MPV17: variants seen among roughly 807,000 people sequenced by gnomAD.
The protein encoded by MPV17 is MPV17, mitochondrial inner membrane protein.
In MPV17, 31 loss-of-function variants were observed where a neutral mutation model predicts 28.6. The observed-to-expected ratio is 1.08, with a 90% CI of 0.81 to 1.46. MPV17 has a LOEUF of 1.46. Ranked by LOEUF, MPV17 falls within the 40% of genes most tolerant of loss-of-function variation. MPV17 has a pLI of 0.00. For synonymous variants in MPV17, 87 were observed against 85.3 expected (o/e 1.02, Z -0.11); for missense variants, 198 against 216.2 (o/e 0.92, Z 0.53).
intron 3 of MPV17, 24 bp downstream of exon 3, chr2:27,312,970 A>G (rs201088989): frequency 6.2e-7 from 1 of 1,612,614 alleles, no homozygotes; most frequent in African/African-American, 1.3e-5. Flanking sequence ...AGTCCACTGA[A>G]GCCCTGTTGA....
intron 2 of MPV17, among the ~76,000 whole-genome samples, chr2:27,314,363 G>A (rs1011306712): frequency 6.6e-6 from 1 of 152,120 alleles, no homozygotes; most frequent in Non-Finnish European, 1.5e-5. Flanking sequence ...TGCTCAAATG[G>A]TCATAAGCAG....
chr2:27,316,307 T>C (rs1224071878), intron 2 of MPV17: 3 of 1,201,116 alleles, frequency 2.5e-6, no homozygotes, highest in African/African-American at 3.0e-5. Context: ...CCCATAGTTC[T>C]GGAAGCCTGC....
chr2:27,310,603 G>C (rs1679394791), intron 7 of MPV17, among the ~76,000 whole-genome samples: 2 of 152,226 alleles, frequency 1.3e-5, no homozygotes, highest in African/African-American at 4.8e-5. Context: ...TGTACCAGCT[G>C]AGATTTCATC....
chr2:27,315,825 G>T, intron 2 of MPV17: 2 of 1,132,702 alleles, frequency 1.8e-6, no homozygotes, highest in Non-Finnish European at 2.2e-6. Flanking sequence ...GCCGCCCAAA[G>T]TGTTGGGATT....
Position 27,322,856 on chromosome 2 carries a change from C to T in MPV17, c.-6+196G>A, listed in dbSNP as rs116751917. ...GCTTTGCTCTGGCTTCTACCCAGAG[C>T]TTGGGTGCCTCAAAAGATAGCTTGG... is the stretch of plus-strand genomic sequence containing the variant. On this transcript the variant is annotated intron_variant, in intron 1 of 7. Transcript: ENST00000380044. Among the ~76,000 whole-genome samples the T allele has an allele frequency of 3.8e-3, 574 of 152,326 alleles. 1 individual carries two copies. The highest frequency in any genetic ancestry group is 0.013 in the African/African-American group (544 of 41,562).
rs1244633595 is a variant in MPV17, at chr2:27,311,910, G to A, written c.450C>T (p.Pro150=). 1 of 1,613,782 alleles carries A rather than the reference G, an allele frequency of 6.2e-7. No individual in the cohort carries two copies. Among genetic ancestry groups the A allele is most frequent in the African/African-American group, 1.3e-5 (1 of 75,000 alleles). The change falls in exon 7 of 8, where the codon CCC becomes CCT. Residue 150 remains proline (P), a synonymous_variant. Coordinates refer to ENST00000380044, the MANE Select transcript of MPV17 (RefSeq NM_002437.5). The part of the protein sequence containing the change: ...AVQLANFYLV[P]LHYRLAVVQC... ...GGGGTGCAACATACCTGTAATGAAG[G>A]GGGACCAGGTAGAAGTTGGCTAACT...
chr2:27,312,438 T>C (rs1262798105), intron 5 of MPV17, 56 bp downstream of exon 5: 1 of 1,577,224 alleles, frequency 6.3e-7, no homozygotes, highest in Non-Finnish European at 8.7e-7. Context: ...CCTGTCTTCT[T>C]CCCCTGGGCT....
chr2:27,318,866 G>C (rs1679754519), intron 2 of MPV17, among the ~76,000 whole-genome samples: 1 of 151,384 alleles, frequency 6.6e-6, no homozygotes, highest in South Asian at 2.1e-4. Flanking sequence ...CCAGGCTCAA[G>C]CAATTTTCCT....
At chr2:27,312,299 A>G in intron 5 of MPV17, 53 bp from the exon 6 acceptor site, 1 of 1,584,582 alleles carries the variant, frequency 6.3e-7, no homozygotes, top group Admixed American at 1.7e-5. Context: ...AGCAGCTCCC[A>G]CTTCCCAGTA....
chr2:27,310,918 T>C (rs891293375), intron 7 of MPV17, among the ~76,000 whole-genome samples: 1 of 151,606 alleles, frequency 6.6e-6, no homozygotes, highest in Non-Finnish European at 1.5e-5. Context: ...CTAATTTTTG[T>C]ATTTTTAGTA....
Position 27,313,077 on chromosome 2 carries a change from G to A in MPV17, c.103C>T (p.Gln35Ter). 1 of 1,614,212 alleles carries A rather than the reference G, an allele frequency of 6.2e-7. No homozygotes were observed. The highest frequency in any genetic ancestry group is 8.5e-7 in the Non-Finnish European group (1 of 1,180,048). Residue 35 changes from glutamine to a stop codon, truncating the protein, a stop_gained, in exon 3 of 8, where the codon CAG becomes TAG. Coordinates refer to ENST00000380044, the MANE Select transcript of MPV17 (RefSeq NM_002437.5). LOFTEE classifies it high-confidence loss of function. ...AGACCCCGCCTCTCCACCAGCTGCT[G>A]TGAGATAATGTCACCCAGGCCCATC... Reference protein sequence around the residue: ...SLMGLGDIISQQLVERRGLQE... With the variant: ...SLMGLGDIIS
chr2:27,312,332 G>T, intron 5 of MPV17, 86 bp from the exon 6 acceptor site: 1 of 1,506,564 alleles, frequency 6.6e-7, no homozygotes, highest in Non-Finnish European at 9.2e-7. Context: ...ACAGACTTGG[G>T]TTCAAAGAGC....
rs863224073 is a variant in MPV17, at chr2:27,312,763, C to A, written c.196G>T (p.Val66Leu). 1 of 1,613,994 alleles carries A rather than the reference C, an allele frequency of 6.2e-7. No individual in the cohort carries two copies. The highest frequency in any genetic ancestry group is 1.3e-5 in the African/African-American group (1 of 74,942). Reference protein sequence around the residue: ...SLGCGFVGPVVGGWYKVLDRF... With the variant: ...SLGCGFVGPVLGGWYKVLDRF... ...TCCAAAACCTTGTACCAGCCTCCTA[C>A]CACAGGGCCCTGGAAGTAAACCCCA... Residue 66 changes from valine to leucine, a missense_variant, in exon 4 of 8, where the codon GTA (valine) becomes TTA (leucine). By Grantham distance (32) the Val-to-Leu change is conservative (BLOSUM62 1). Transcript: ENST00000380044.
At chr2:27,311,763 T>C in intron 7 of MPV17, 136 bp downstream of exon 7, 1 of 1,559,210 alleles carries the variant, frequency 6.4e-7, no homozygotes, top group Non-Finnish European at 8.7e-7. Flanking sequence ...CGCTTGGGAA[T>C]CTGAGGAACT....
chr2:27,316,904 C>G (rs775989492), intron 2 of MPV17: 90 of 589,056 alleles, frequency 1.5e-4, no homozygotes, highest in Non-Finnish European at 2.4e-4. Context: ...TGCCAGTTCT[C>G]ATGCCGTCAC....
intron 2 of MPV17, chr2:27,316,267 G>C: frequency 6.6e-7 from 1 of 1,507,856 alleles, no homozygotes. Flanking sequence ...GGCAGAGCTG[G>C]AATGAAAAGC....
chr2:27,321,414 G>C (rs1041065034), intron 2 of MPV17, among the ~76,000 whole-genome samples: 1 of 152,214 alleles, frequency 6.6e-6, no homozygotes, highest in African/African-American at 2.4e-5. Flanking sequence ...TTTCTGTGCC[G>C]ATGCAGGGCT....
At chr2:27,315,052 G>C (rs181953951) in intron 2 of MPV17, among the ~76,000 whole-genome samples, 4 of 152,220 alleles carry the variant, frequency 2.6e-5, no homozygotes, top group African/African-American at 9.6e-5. Context: ...TCCCAAAGTG[G>C]TGGGGGTCTT....
chr2:27,316,418 T>C (rs1398474732), intron 2 of MPV17, among the ~76,000 whole-genome samples: 1 of 152,176 alleles, frequency 6.6e-6, no homozygotes, highest in Non-Finnish European at 1.5e-5. Context: ...AGGTGGTATG[T>C]AGATCTGCAG....
Sources: gnomAD v4.1 joint callset for allele counts (sites outside exome capture counted in the v4.1 genomes callset) on GRCh38, gnomAD v4.1.1 for gene constraint, MANE v1.5 for transcripts, NCBI Gene and HGNC (gene_info 2026-07-23, HGNC 2026-07-21) for gene names.